The following ZSCAN10 variants were observed in gnomAD, a reference collection of about 807,000 sequenced individuals.
ZSCAN10 encodes the protein zinc finger and SCAN domain-containing protein 10.
Under a neutral mutation model 63.7 loss-of-function variants are expected in ZSCAN10, and 52 were observed. The ratio of observed to expected loss-of-function variants is 0.82; its 90% confidence interval spans 0.65 to 1.03. ZSCAN10 has a LOEUF of 1.03. Among genes scored for constraint, ZSCAN10 ranks in the 50% least tolerant of loss-of-function variants. The pLI is 0.00. For missense variants in ZSCAN10, 1,223 were observed against 1,103.8 expected, an observed-to-expected ratio of 1.11 and a Z score of -1.53; for synonymous variants, 544 against 479.6, an observed-to-expected ratio of 1.13 and a Z score of -1.76.
chr16:3,089,767 C>T lies in ZSCAN10; in HGVS notation c.1667G>A (p.Gly556Asp), dbSNP rs1373332069. 2 of 1,598,094 alleles carry T rather than the reference C, an allele frequency of 1.3e-6. No individual in the cohort carries two copies. The highest frequency in any genetic ancestry group is 1.7e-4 in the Middle Eastern group (1 of 6,060). Residue 556 changes from glycine to aspartate, a missense_variant, in exon 6 of 6, where the codon GGC (glycine) becomes GAC (aspartate). By Grantham distance (94) the Gly-to-Asp change is moderately conservative. Transcript: ENST00000576985. ...GERPFSCQAC[G>D]RSFTQSSQLV... The stretch of plus-strand genomic sequence containing the variant: ...CTGCGAGCTCTGCGTGAAGCTGCGG[C>T]CGCAAGCCTGGCAGGAGAAGGGCCG...
chr16:3,091,051 C>A (rs1246463167), intron 5 of ZSCAN10, among the ~76,000 whole-genome samples: 3 of 152,020 alleles, frequency 2.0e-5, no homozygotes, highest in African/African-American at 7.3e-5. Context: ...GCCTAGGCAA[C>A]ACAGTGAGAC....
chr16:3,093,505 G>C (rs760255458), intron 1 of ZSCAN10: 5 of 142,486 alleles, frequency 3.5e-5, no homozygotes, highest in Admixed American at 1.4e-4. Context: ...GACAGAGCGA[G>C]ACTCAGATCA....
At chr16:3,095,376 G>T (rs920381754) in intron 1 of ZSCAN10, among the ~76,000 whole-genome samples, 5 of 151,724 alleles carry the variant, frequency 3.3e-5, no homozygotes, top group Admixed American at 3.3e-4. Flanking sequence ...AATTAGCCAC[G>T]GGTGGTGGCG....
intron 3 of ZSCAN10, 41 bp downstream of exon 3, chr16:3,091,989 AGACATCCAGGCCCCTCCGC>A (rs1957083992): frequency 6.4e-7 from 1 of 1,559,472 alleles, no homozygotes; most frequent in Non-Finnish European, 8.7e-7. Context: ...ACCCCACCCC[AGACATCCAGGCCCCTCCGC>A]GACACCCAGT....
In ZSCAN10 at chr16:3,090,254, G is replaced by A; in HGVS notation, c.1180C>T (p.His394Tyr). The change falls in exon 6 of 6, where the codon CAC (histidine) becomes TAC (tyrosine). Residue 394 changes from histidine to tyrosine, a missense_variant. By Grantham distance (83) the His-to-Tyr change is moderately conservative. Coordinates refer to ENST00000576985, the MANE Select transcript of ZSCAN10 (RefSeq NM_032805.3). ...CGCTCGTCCGTGTGAGTGCGCATGT[G>A]CAGCTTGAGAATGGAGCTGCGGCCG... Reference protein sequence around the residue: ...SFGRSSILKLHMRTHTDERPH... With the variant: ...SFGRSSILKLYMRTHTDERPH... The A allele has an allele frequency of 4.4e-6, 7 of 1,608,516 alleles. 1 individual carries two copies. In the South Asian group the frequency reaches 5.5e-5, roughly 13 times the overall value.
chr16:3,094,597 G>A (rs1057364173), intron 1 of ZSCAN10, among the ~76,000 whole-genome samples: 3 of 152,170 alleles, frequency 2.0e-5, no homozygotes, highest in South Asian at 2.1e-4. Flanking sequence ...CGCCCGCTTC[G>A]GTCTCCCAAA....
chr16:3,089,037 G>A lies in ZSCAN10; in HGVS notation c.*54C>T. 7.0e-7 allele frequency: 1 copy of A among 1,438,480 alleles called. No individual in the cohort carries two copies. 89.1% of individuals were successfully genotyped at this position (1,438,480 alleles called of 1,614,324 possible). ...AGGGACATTCCTGCAGGCCTCCGCT[G>A]TGGAGGACCCCGGGTAGGTGGCGCA... On this transcript the variant is annotated 3_prime_UTR_variant, in exon 6 of 6. Transcript: ENST00000576985.
Position 3,092,609 on chromosome 16 carries a change from C to G in ZSCAN10, c.329G>C (p.Arg110Thr). The G allele has an allele frequency of 6.2e-7, 1 of 1,602,770 alleles. No individual in the cohort carries two copies. Among genetic ancestry groups the G allele is most frequent in the Non-Finnish European group, 8.5e-7 (1 of 1,175,392 alleles). Residue 110 changes from arginine (R) to threonine (T), a missense_variant, in exon 2 of 6, where the codon AGG becomes ACG. Physicochemically the swap from Arg to Thr is moderately conservative, Grantham distance 71. Coordinates refer to ENST00000576985, the MANE Select transcript of ZSCAN10 (RefSeq NM_032805.3). Reference protein sequence around the residue: ...LLGRLQGQPLRDGEEVVLLLE... With the variant: ...LLGRLQGQPLTDGEEVVLLLE... ...CAGCAGCACCACCTCCTCCCCATCCCTGAGCGGCTGCCCCTGCAGGCGGCC... is the reference window on the plus strand; with the variant it reads ...CAGCAGCACCACCTCCTCCCCATCCGTGAGCGGCTGCCCCTGCAGGCGGCC...
rs780648125 is a variant in ZSCAN10, at chr16:3,090,347, T to G, written c.1087A>C (p.Lys363Gln). 5.6e-6 allele frequency: 9 copies of G among 1,611,590 alleles called. No individual in the cohort carries two copies. Among genetic ancestry groups the G allele is most frequent in the African/African-American group, 2.7e-5 (2 of 74,978 alleles). Residue 363 changes from lysine to glutamine, a missense_variant, in exon 6 of 6, where the codon AAG becomes CAG. By Grantham distance (53) the Lys-to-Gln change is moderately conservative. Coordinates refer to ENST00000576985, the MANE Select transcript of ZSCAN10 (RefSeq NM_032805.3). ...GGGTGCGAGCGCAGCTGGTGCGCCT[T>G]CAGGCGAGACAGCTGCGGGAAGCTC... ...GVSFPQLSRLKAHQLRSHPAG... is the reference protein window; with the variant it reads ...GVSFPQLSRLQAHQLRSHPAG...
chr16:3,092,442 T>C, intron 2 of ZSCAN10, 100 bp downstream of exon 2: 8 of 1,481,032 alleles, frequency 5.4e-6, no homozygotes, highest in Non-Finnish European at 7.2e-6. Context: ...GAAGAAGGAA[T>C]GGTCAGGTGG....
At chr16:3,095,047 T>C (rs17136208) in intron 1 of ZSCAN10, among the ~76,000 whole-genome samples, 3,230 of 152,092 alleles carry the variant, frequency 0.021, 110 homozygotes, top group African/African-American at 0.073. Context: ...GAATGTTCAT[T>C]TCACTGCTCT....
chr16:3,092,688 G>A lies in ZSCAN10; in HGVS notation c.250C>T (p.Leu84=). The A allele has an allele frequency of 6.2e-7, 1 of 1,613,508 alleles. No individual in the cohort carries two copies. Reference sequence around the variant, plus strand: ...AACTGCTCCAGCACCAGCAGCTCCAGGATCTGTTTCTTGGTGTGCAGAGCC... The same window carrying A: ...AACTGCTCCAGCACCAGCAGCTCCAAGATCTGTTTCTTGGTGTGCAGAGCC... ...RPALHTKKQI[L]ELLVLEQFLS... Residue 84 remains leucine (L), a synonymous_variant, in exon 2 of 6, where the codon CTG becomes TTG. Transcript: ENST00000576985.
chr16:3,089,247 G>A lies in ZSCAN10; in HGVS notation c.2187C>T (p.Cys729=). 4 of 1,576,240 alleles carry A rather than the reference G, an allele frequency of 2.5e-6. No homozygotes were observed. Among genetic ancestry groups the A allele is most frequent in the Non-Finnish European group, 8.6e-7 (1 of 1,168,946 alleles). ...TGCAGCTGCGGCTGAAGCTCTTCCC[G>A]CACTCCACGCACTCCTGCGGGGGCT... ...QAEPPQECVE[C]GKSFSRSCNL... is the part of the protein sequence containing the mutation. The change falls in exon 6 of 6, where the codon TGC becomes TGT. Residue 729 remains cysteine, a synonymous_variant. Coordinates refer to ENST00000576985, the MANE Select transcript of ZSCAN10 (RefSeq NM_032805.3).
At chr16:3,093,046 A>C in intron 1 of ZSCAN10, 42 bp from the exon 2 acceptor site, 1 of 1,309,924 alleles carries the variant, frequency 7.6e-7, no homozygotes, top group Non-Finnish European at 9.7e-7. Flanking sequence ...GCTGCGAGGA[A>C]GCTGGCCCCA....
intron 1 of ZSCAN10, among the ~76,000 whole-genome samples, chr16:3,095,625 G>A (rs907741898): frequency 6.6e-5 from 10 of 151,912 alleles, no homozygotes; most frequent in African/African-American, 2.4e-4. Context: ...TCAGGAGATC[G>A]AGACCATCCT....
At chr16:3,098,042 C>CAAAAAAAAAAA (rs371407228) in intron 1 of ZSCAN10, among the ~76,000 whole-genome samples, 1 of 44,446 alleles carries the variant, frequency 2.2e-5, no homozygotes, top group Non-Finnish European at 4.5e-5. Flanking sequence ...GACCCTGTCT[C>CAAAAAAAAAAA]AAAAAAAAAA....
rs1446542068 is a variant in ZSCAN10 at position 3,090,762 on chromosome 16, G to T, written c.788-116C>A. 79 of 1,268,676 alleles carry T rather than the reference G, an allele frequency of 6.2e-5. 1 individual carries two copies. The East Asian group carries it at 1.6e-3, about 25-fold the overall frequency. 78.6% of individuals were successfully genotyped at this position (1,268,676 alleles called of 1,614,324 possible). A position where few individuals can be genotyped will look rare whatever the true frequency, so the allele number is the denominator to read the frequency against. On this transcript the variant is annotated intron_variant, in intron 5 of 5. Coordinates refer to ENST00000576985, the MANE Select transcript of ZSCAN10 (RefSeq NM_032805.3). ...ACCCAGGATCCTGCAAAGCTGGTAG[G>T]TAAAAGGCCGGGCACAGTGGTTCAC...
chr16:3,089,684 C>G lies in ZSCAN10; in HGVS notation c.1750G>C (p.Gly584Arg). The G allele has an allele frequency of 1.2e-6, 2 of 1,603,644 alleles. No individual in the cohort carries two copies. The highest frequency in any genetic ancestry group is 1.1e-5 in the South Asian group (1 of 90,214). The change falls in exon 6 of 6, where the codon GGG becomes CGG. Residue 584 changes from glycine (G) to arginine (R), a missense_variant. Physicochemically the swap from Gly to Arg is moderately radical, Grantham distance 125 (BLOSUM62 -2). Transcript: ENST00000576985. Reference protein sequence around the residue: ...GEKPYACPQCGKRFVRRASLA... With the variant: ...GEKPYACPQCRKRFVRRASLA... ...CTGGCCCGGCGCACAAAGCGCTTCC[C>G]GCACTGCGGACAGGCGTAGGGCTTC...
At position 3,089,082 on chromosome 16, in the gene ZSCAN10, C is replaced by CTT. The variant is rs767775089; in HGVS notation, c.*8_*9insAA. On this transcript the variant is annotated 3_prime_UTR_variant, in exon 6 of 6. Transcript: ENST00000576985. The stretch of plus-strand genomic sequence containing the variant: ...GGCGCAGGGCGCGGCTGGCGGAAGG[C>CTT]GGGCCAAGCTAGTACAGCGTCTCGC... The CTT allele has an allele frequency of 1.4e-6, 2 of 1,474,168 alleles. No homozygotes were observed. Among genetic ancestry groups the CTT allele is most frequent in the East Asian group, 5.0e-5 (2 of 39,724 alleles). The allele number at this position is 1,474,168 out of a possible 1,614,324, so 91.3% of individuals were successfully genotyped here. A position where few individuals can be genotyped will look rare whatever the true frequency, so the allele number is the denominator to read the frequency against.
Sources: allele counts gnomAD v4.1 joint callset (sites outside exome capture counted in the v4.1 genomes callset), GRCh38; gene constraint gnomAD v4.1.1; transcripts MANE v1.5; gene names NCBI Gene and HGNC (gene_info 2026-07-23, HGNC 2026-07-21).